The following EGFLAM variants were observed in gnomAD, a reference collection of about 807,000 sequenced individuals.
EGFLAM encodes the protein EGF like, fibronectin type III and laminin G domains, also known as pikachurin.
A neutral mutation model predicts 113.1 loss-of-function variants in EGFLAM; 79 were observed. The observed-to-expected ratio is 0.70, with a 90% CI of 0.58 to 0.84. The LOEUF is 0.84. Among genes scored for constraint, EGFLAM ranks in the 40% least tolerant of loss-of-function variants. The pLI is 0.00. For missense variants in EGFLAM, 1,265 were observed against 1,291.6 expected, an observed-to-expected ratio of 0.98 and a Z score of 0.32; for synonymous variants, 504 against 487.6, an observed-to-expected ratio of 1.03 and a Z score of -0.44.
intron 6 of EGFLAM, among the ~76,000 whole-genome samples, chr5:38,390,682 C>T (rs1258634271): frequency 6.6e-6 from 1 of 152,182 alleles, no homozygotes; most frequent in African/African-American, 2.4e-5. Flanking sequence ...AAATACCAAT[C>T]TGATGAATGT....
At chr5:38,450,047 A>G (rs1283336262) in intron 18 of EGFLAM, among the ~76,000 whole-genome samples, 1 of 151,902 alleles carries the variant, frequency 6.6e-6, no homozygotes, top group African/African-American at 2.4e-5. Context: ...TTCTCATATG[A>G]CTCTTTTTAA....
At chr5:38,333,874 G>T (rs1443745764) in intron 1 of EGFLAM, among the ~76,000 whole-genome samples, 2 of 142,572 alleles carry the variant, frequency 1.4e-5, no homozygotes, top group African/African-American at 2.7e-5. Context: ...AAATCTTTTG[G>T]TCCACTTTTC....
chr5:38,447,514 A>T (rs933460077), intron 17 of EGFLAM, among the ~76,000 whole-genome samples: 9 of 152,054 alleles, frequency 5.9e-5, no homozygotes, highest in African/African-American at 2.2e-4. Flanking sequence ...CCAGCACTTT[A>T]GGAGGCCGAG....
chr5:38,370,435 T>C lies in EGFLAM; in HGVS notation c.685T>C (p.Trp229Arg), dbSNP rs1465567. The C allele has an allele frequency of 0.2, 330,831 of 1,613,854 alleles. 36,008 individuals are homozygous for C. Among genetic ancestry groups the C allele is most frequent in the African/African-American group, 0.41 (30,668 of 74,956 alleles). ...MNSHGPSPRS[W>R]PSDIIRTLCP... ...TTCCCATGGCCCCAGCCCCCGCAGC[T>C]GGCCCAGTGACATCATCCGGACCCT... Residue 229 changes from tryptophan to arginine, a missense_variant, in exon 6 of 22, where the codon TGG becomes CGG. Transcript: ENST00000322350.
intron 6 of EGFLAM, among the ~76,000 whole-genome samples, chr5:38,386,955 G>A (rs768265634): frequency 1.3e-5 from 2 of 152,228 alleles, no homozygotes; most frequent in Non-Finnish European, 2.9e-5. Flanking sequence ...GCAGCACGGA[G>A]GAGGGGTAAT....
chr5:38,410,370 A>G (rs1741438759), intron 10 of EGFLAM, among the ~76,000 whole-genome samples: 2 of 152,166 alleles, frequency 1.3e-5, no homozygotes, highest in Non-Finnish European at 2.9e-5. Context: ...TAGCACTGGC[A>G]GTTGTTAGCT....
chr5:38,429,680 A>G (rs1394342527), intron 14 of EGFLAM, among the ~76,000 whole-genome samples: 1 of 152,182 alleles, frequency 6.6e-6, no homozygotes, highest in Non-Finnish European at 1.5e-5. Flanking sequence ...AAAATATGGA[A>G]TCTATTTCCC....
intron 10 of EGFLAM, among the ~76,000 whole-genome samples, chr5:38,410,454 A>G (rs540075232): frequency 1.3e-5 from 2 of 152,308 alleles, no homozygotes; most frequent in Admixed American, 6.5e-5. Flanking sequence ...CTGTTTTGCA[A>G]TGCCTCTTGA....
In EGFLAM at chr5:38,338,714, T is replaced by C. The variant is rs1739256937; in HGVS notation, c.224T>C (p.Val75Ala). 6.2e-7 allele frequency: 1 copy of C among 1,614,224 alleles called. No individual in the cohort carries two copies. The highest frequency in any genetic ancestry group is 1.1e-5 in the South Asian group (1 of 91,086). The change falls in exon 3 of 22, where the codon GTT becomes GCT. Residue 75 changes from valine to alanine, a missense_variant. Coordinates refer to ENST00000322350, the MANE Select transcript of EGFLAM (RefSeq NM_152403.4). Reference sequence around the variant, plus strand: ...CTTTTCAAGGTCTTTTACTCTGAGGTTGGCGCAGATAAATCCCTGCAGGAG... The same window carrying C: ...CTTTTCAAGGTCTTTTACTCTGAGGCTGGCGCAGATAAATCCCTGCAGGAG... ...ILGYTVFYSE[V>A]GADKSLQEQL...
intron 19 of EGFLAM, among the ~76,000 whole-genome samples, chr5:38,454,037 G>A (rs1375008481): frequency 6.6e-6 from 1 of 152,182 alleles, no homozygotes; most frequent in Non-Finnish European, 1.5e-5. Context: ...ATTGTGATCT[G>A]TGTAAGACAC....
At position 38,334,881 on chromosome 5, in the gene EGFLAM, C is replaced by T. The variant is rs372843151; in HGVS notation, c.98-2639C>T. On this transcript the variant is annotated intron_variant, in intron 1 of 21. Coordinates refer to ENST00000322350, the MANE Select transcript of EGFLAM (RefSeq NM_152403.4). ...TAAAATATTCATTCCCTTAAATCAACGGTTCTCAACGGGGAGCAGTTTTGC... is the reference window on the plus strand; with the variant it reads ...TAAAATATTCATTCCCTTAAATCAATGGTTCTCAACGGGGAGCAGTTTTGC... 1.1e-4 allele frequency among the ~76,000 whole-genome samples: 16 copies of T among 152,292 alleles called. No individual in the cohort carries two copies. In the South Asian group the frequency reaches 1.7e-3, roughly 16 times the overall value.
At chr5:38,432,282 G>A (rs1352569167) in intron 15 of EGFLAM, among the ~76,000 whole-genome samples, 2 of 152,128 alleles carry the variant, frequency 1.3e-5, no homozygotes, top group African/African-American at 4.8e-5. Context: ...GACTTTCGCT[G>A]GGGAAAGAGG....
chr5:38,369,455 T>C (rs1229090954), intron 5 of EGFLAM, among the ~76,000 whole-genome samples: 2 of 152,194 alleles, frequency 1.3e-5, no homozygotes, highest in African/African-American at 4.8e-5. Flanking sequence ...CAGCTATAAG[T>C]TACTAGTTCT....
At chr5:38,371,059 A>G (rs992788267) in intron 6 of EGFLAM, among the ~76,000 whole-genome samples, 18 of 152,142 alleles carry the variant, frequency 1.2e-4, no homozygotes, top group African/African-American at 4.3e-4. Context: ...GGTTTTAACA[A>G]AATCCCCCAC....
At chr5:38,425,537 G>T (rs1018329354) in intron 13 of EGFLAM, among the ~76,000 whole-genome samples, 3 of 152,146 alleles carry the variant, frequency 2.0e-5, no homozygotes, top group African/African-American at 7.2e-5. Context: ...GCTTTGTTGG[G>T]AGAGATGGGG....
chr5:38,390,072 G>C (rs982196510), intron 6 of EGFLAM, among the ~76,000 whole-genome samples: 1 of 152,034 alleles, frequency 6.6e-6, no homozygotes, highest in Non-Finnish European at 1.5e-5. Flanking sequence ...CAGTGGTAGA[G>C]AAAAAAATTA....
chr5:38,414,086 G>T (rs1485076380), intron 11 of EGFLAM, among the ~76,000 whole-genome samples: 1 of 152,170 alleles, frequency 6.6e-6, no homozygotes, highest in Non-Finnish European at 1.5e-5. Flanking sequence ...CCAGGGGTTG[G>T]GGACCCCTGA....
intron 1 of EGFLAM, among the ~76,000 whole-genome samples, chr5:38,322,034 G>A (rs757732683): frequency 6.6e-6 from 1 of 152,116 alleles, no homozygotes; most frequent in Non-Finnish European, 1.5e-5. Flanking sequence ...TCAAGAGGAG[G>A]CAACTTCTAT....
intron 9 of EGFLAM, 61 bp downstream of exon 9, chr5:38,407,966 C>A: frequency 7.6e-7 from 1 of 1,321,770 alleles, no homozygotes; most frequent in Non-Finnish European, 1.1e-6. Context: ...CAATGTGCTA[C>A]ATTCAAAGGC....
Sources: allele counts gnomAD v4.1 joint callset (sites outside exome capture counted in the v4.1 genomes callset), GRCh38; gene constraint gnomAD v4.1.1; transcripts MANE v1.5; gene names NCBI Gene and HGNC (gene_info 2026-07-23, HGNC 2026-07-21).